Variants in NRG3 observed in about 807,000 individuals in gnomAD.
The protein encoded by NRG3 is pro-neuregulin-3, membrane-bound isoform.
A neutral mutation model predicts 66.9 loss-of-function variants in NRG3; 31 were observed. The ratio of observed to expected loss-of-function variants is 0.46; its 90% CI spans 0.35 to 0.63. The LOEUF is 0.63. Ranked by LOEUF, NRG3 falls within the 20% of genes least tolerant of loss-of-function variation. NRG3 has a pLI of 0.00. For synonymous variants in NRG3, 393 were observed against 359.4 expected, an observed-to-expected ratio of 1.09 and a Z score of -1.06; for missense variants, 910 against 878.9, an observed-to-expected ratio of 1.04 and a Z score of -0.45.
intron 3 of NRG3, among the ~76,000 whole-genome samples, chr10:82,841,941 T>C (rs1422854088): frequency 6.6e-6 from 1 of 152,122 alleles, no homozygotes; most frequent in Non-Finnish European, 1.5e-5. Context: ...GGCCTCCATA[T>C]AGCCACAGAA....
chr10:82,614,177 C>T (rs187067149), intron 2 of NRG3, among the ~76,000 whole-genome samples: 111 of 152,262 alleles, frequency 7.3e-4, no homozygotes, highest in African/African-American at 2.5e-3. Flanking sequence ...GGATTATAGG[C>T]GTGAGCCATT....
intron 3 of NRG3, among the ~76,000 whole-genome samples, chr10:82,790,254 A>G (rs967228475): frequency 3.3e-5 from 5 of 152,102 alleles, no homozygotes; most frequent in Non-Finnish European, 7.4e-5. Flanking sequence ...AGCCTGAAGG[A>G]CACCCTTTGG....
intron 1 of NRG3, among the ~76,000 whole-genome samples, chr10:81,913,296 G>A (rs1845350618): frequency 6.6e-6 from 1 of 152,138 alleles, no homozygotes; most frequent in Non-Finnish European, 1.5e-5. Context: ...ATGAGCCCAG[G>A]TGCTCCATTG....
At chr10:82,177,409 A>G (rs927162019) in intron 1 of NRG3, among the ~76,000 whole-genome samples, 2 of 152,210 alleles carry the variant, frequency 1.3e-5, no homozygotes, top group Non-Finnish European at 2.9e-5. Context: ...GTTACTTTGT[A>G]GATAAACTTT....
intron 2 of NRG3, among the ~76,000 whole-genome samples, chr10:82,676,732 C>A (rs1453641733): frequency 2.6e-5 from 4 of 152,264 alleles, no homozygotes; most frequent in Admixed American, 6.5e-5. Flanking sequence ...ATCTGCCCCC[C>A]TCGGCCTCCC....
intron 1 of NRG3, among the ~76,000 whole-genome samples, chr10:82,227,575 C>T (rs1424795273): frequency 6.6e-6 from 1 of 151,934 alleles, no homozygotes; most frequent in African/African-American, 2.4e-5. Flanking sequence ...CTGATGATTC[C>T]ATCTGAATAT....
chr10:82,388,821 G>C (rs1009518712), intron 2 of NRG3, among the ~76,000 whole-genome samples: 1 of 152,164 alleles, frequency 6.6e-6, no homozygotes, highest in Non-Finnish European at 1.5e-5. Flanking sequence ...TCTGAGCTGT[G>C]TCTCACAAAC....
chr10:82,681,751 T>C (rs938370656), intron 2 of NRG3, among the ~76,000 whole-genome samples: 8 of 152,248 alleles, frequency 5.3e-5, no homozygotes, highest in African/African-American at 2.4e-5. Flanking sequence ...GTGATGGACA[T>C]TCTCCTCCAA....
chr10:82,056,208 G>A (rs1237141899), intron 1 of NRG3, among the ~76,000 whole-genome samples: 1 of 152,110 alleles, frequency 6.6e-6, no homozygotes, highest in Non-Finnish European at 1.5e-5. Flanking sequence ...GATGGTTAAG[G>A]AGTTTAATAC....
intron 2 of NRG3, among the ~76,000 whole-genome samples, chr10:82,721,407 G>A (rs942318700): frequency 6.6e-6 from 1 of 151,476 alleles, no homozygotes; most frequent in Non-Finnish European, 1.5e-5. Context: ...CAAAATGCTG[G>A]GATTACAGGC....
chr10:82,718,342 C>G (rs925455743), intron 2 of NRG3, among the ~76,000 whole-genome samples: 8 of 152,094 alleles, frequency 5.3e-5, no homozygotes, highest in Non-Finnish European at 1.2e-4. Context: ...TTGTGGTTTC[C>G]GTATACCAAG....
At chr10:82,372,863 G>C (rs1254878830) in intron 2 of NRG3, among the ~76,000 whole-genome samples, 1 of 152,140 alleles carries the variant, frequency 6.6e-6, no homozygotes, top group African/African-American at 2.4e-5. Context: ...CTAAGTGCTG[G>C]GATTACGGGC....
At chr10:82,320,730 G>A (rs923252271) in intron 1 of NRG3, among the ~76,000 whole-genome samples, 10 of 152,252 alleles carry the variant, frequency 6.6e-5, no homozygotes, top group East Asian at 1.9e-4. Context: ...GAAATACTGC[G>A]TAGAAGAGAG....
chr10:81,877,418 G>A (rs1398707878), intron 1 of NRG3, among the ~76,000 whole-genome samples: 2 of 152,094 alleles, frequency 1.3e-5, no homozygotes, highest in East Asian at 3.9e-4. Context: ...TTGTATTTGT[G>A]TTTTGAGCCA....
rs17743057 is a variant in NRG3 at position 82,664,726 on chromosome 10, C to T, written c.954-73851C>T. Reference sequence around the variant, plus strand: ...GCTTCTCAATGAGGCACATGATGGCCGAGTATGAGCAATAGTCTCTGGGGT... The same window carrying T: ...GCTTCTCAATGAGGCACATGATGGCTGAGTATGAGCAATAGTCTCTGGGGT... On this transcript the variant is annotated intron_variant, in intron 2 of 8. Transcript: ENST00000372141. Among the ~76,000 whole-genome samples, 930 of 151,554 alleles carry T rather than the reference C, an allele frequency of 6.1e-3. 6 individuals are homozygous for T. The highest frequency in any genetic ancestry group is 0.021 in the South Asian group (100 of 4,776).
intron 1 of NRG3, among the ~76,000 whole-genome samples, chr10:82,082,525 G>T (rs943440155): frequency 1.6e-4 from 24 of 152,128 alleles, no homozygotes; most frequent in Admixed American, 1.4e-3. Context: ...TTGTCTGTGG[G>T]GCTGGCAGAA....
intron 2 of NRG3, among the ~76,000 whole-genome samples, chr10:82,691,450 C>G (rs1270767510): frequency 2.0e-5 from 3 of 152,184 alleles, no homozygotes; most frequent in African/African-American, 7.2e-5. Flanking sequence ...ACTGGTGATG[C>G]ATTCCAGATC....
intron 1 of NRG3, among the ~76,000 whole-genome samples, chr10:82,339,593 G>C (rs1442538531): frequency 6.6e-6 from 1 of 152,140 alleles, no homozygotes; most frequent in African/African-American, 2.4e-5. Flanking sequence ...GATGAGATTT[G>C]GGTGGGGATA....
intron 2 of NRG3, among the ~76,000 whole-genome samples, chr10:82,569,203 A>G (rs2066683255): frequency 6.6e-6 from 1 of 151,774 alleles, no homozygotes; most frequent in Non-Finnish European, 1.5e-5. Context: ...ATAGCAGTTC[A>G]ATAATAATAC....
Sources: allele counts gnomAD v4.1 joint callset (sites outside exome capture counted in the v4.1 genomes callset), GRCh38; gene constraint gnomAD v4.1.1; transcripts MANE v1.5; gene names NCBI Gene and HGNC (gene_info 2026-07-23, HGNC 2026-07-21).